Variants in CTNNA3 observed in about 807,000 individuals in gnomAD.
CTNNA3 encodes catenin alpha-3.
A neutral mutation model predicts 95.7 loss-of-function variants in CTNNA3; 76 were observed. The ratio of observed to expected loss-of-function variants is 0.79; its 90% CI spans 0.66 to 0.96. The LOEUF (loss-of-function observed/expected upper bound fraction) is 0.96, where lower values mean the gene tolerates loss of function less well. CTNNA3 is among the 40% of genes least tolerant of loss of function. CTNNA3 has a pLI of 0.00. For synonymous variants in CTNNA3, 431 were observed against 374.4 expected, an observed-to-expected ratio of 1.15 and a Z score of -1.74; for missense variants, 1,191 against 1,089.8, an observed-to-expected ratio of 1.09 and a Z score of -1.31.
At chr10:67,161,976 T>C (rs1274254850) in intron 7 of CTNNA3, among the ~76,000 whole-genome samples, 2 of 152,012 alleles carry the variant, frequency 1.3e-5, no homozygotes, top group Non-Finnish European at 2.9e-5. Flanking sequence ...CAAGAAGACA[T>C]AGCTAGCCTA....
intron 5 of CTNNA3, among the ~76,000 whole-genome samples, chr10:67,485,717 TG>T (rs1848420882): frequency 6.6e-6 from 1 of 152,180 alleles, no homozygotes; most frequent in Non-Finnish European, 1.5e-5. Flanking sequence ...AACAGGAGTA[TG>T]TGGCTTCACT....
chr10:67,071,610 C>T (rs75362264), intron 7 of CTNNA3, among the ~76,000 whole-genome samples: 1,718 of 151,976 alleles, frequency 0.011, 36 homozygotes, highest in African/African-American at 0.039. Context: ...ATTTATCCTG[C>T]TTCAATTTTG....
chr10:67,141,550 T>G (rs866811780), intron 7 of CTNNA3, among the ~76,000 whole-genome samples: 1 of 152,160 alleles, frequency 6.6e-6, no homozygotes, highest in Non-Finnish European at 1.5e-5. Context: ...GTTCAGCCTC[T>G]GAAAATGTAG....
intron 17 of CTNNA3, among the ~76,000 whole-genome samples, chr10:65,951,978 C>T (rs1445651345): frequency 1.5e-5 from 2 of 137,476 alleles, no homozygotes; most frequent in African/African-American, 5.6e-5. Flanking sequence ...TGCAGTGAGC[C>T]GAGATGGCAC....
chr10:66,123,668 G>T (rs938873485), intron 13 of CTNNA3, among the ~76,000 whole-genome samples: 6 of 152,150 alleles, frequency 3.9e-5, no homozygotes, highest in Non-Finnish European at 7.3e-5. Flanking sequence ...TGGACAGCCA[G>T]GCATTTCCAT....
At chr10:66,556,392 G>T (rs1030565401) in intron 10 of CTNNA3, among the ~76,000 whole-genome samples, 1 of 151,846 alleles carries the variant, frequency 6.6e-6, no homozygotes, top group Non-Finnish European at 1.5e-5. Flanking sequence ...AATCAGTATC[G>T]CGAAGAGATT....
intron 3 of CTNNA3, among the ~76,000 whole-genome samples, chr10:67,554,780 T>A (rs1841172188): frequency 1.3e-5 from 2 of 152,234 alleles, no homozygotes; most frequent in African/African-American, 2.4e-5. Flanking sequence ...TTGTCAATTT[T>A]GGCTTTTGTT....
Position 67,035,742 on chromosome 10 carries a change from C to T in CTNNA3, c.1047+144575G>A, listed in dbSNP as rs1468984767. ...ATCAGCTGAGTACATCACAGAAATG[C>T]TTTCACTGTATTGAGCTTTAATGTT... On this transcript the variant is annotated intron_variant, in intron 7 of 17. Coordinates refer to ENST00000433211, the MANE Select transcript of CTNNA3 (RefSeq NM_013266.4). Among the ~76,000 whole-genome samples the T allele has an allele frequency of 2.6e-5, 4 of 152,186 alleles. No homozygotes were observed. In the East Asian group the frequency reaches 5.8e-4, roughly 22 times the overall value.
At chr10:67,289,751 G>GATGGATGA (rs1036067150) in intron 5 of CTNNA3, among the ~76,000 whole-genome samples, 1 of 151,340 alleles carries the variant, frequency 6.6e-6, no homozygotes, top group Non-Finnish European at 1.5e-5. Context: ...ACAAAGGAAG[G>GATGGATGA]ATGGATGAAT....
At chr10:67,046,362 G>A (rs7911142) in intron 7 of CTNNA3, among the ~76,000 whole-genome samples, 68,917 of 151,954 alleles carry the variant, frequency 0.45, 15,973 homozygotes, top group Middle Eastern at 0.61. Context: ...AGATGTGAGC[G>A]AACAGCTTTT....
chr10:67,246,703 C>G (rs899013899), intron 5 of CTNNA3, among the ~76,000 whole-genome samples: 1 of 152,144 alleles, frequency 6.6e-6, no homozygotes, highest in Non-Finnish European at 1.5e-5. Context: ...TACCCAAATT[C>G]ATGGGACACT....
chr10:66,437,594 C>A (rs1213085957), intron 11 of CTNNA3, among the ~76,000 whole-genome samples: 2 of 151,812 alleles, frequency 1.3e-5, no homozygotes, highest in African/African-American at 4.8e-5. Context: ...CCTAGGGAGA[C>A]CTAGGGGAAT....
intron 9 of CTNNA3, among the ~76,000 whole-genome samples, chr10:66,692,464 A>G (rs202106693): frequency 3.3e-5 from 5 of 151,894 alleles, no homozygotes; most frequent in East Asian, 1.9e-4. Context: ...GGACTATGTG[A>G]AAAGACCAAA....
chr10:66,715,927 T>C (rs1215714272), intron 9 of CTNNA3, among the ~76,000 whole-genome samples: 1 of 152,048 alleles, frequency 6.6e-6, no homozygotes, highest in African/African-American at 2.4e-5. Flanking sequence ...AAATTATTTT[T>C]TTCATAATTC....
At chr10:67,637,910 T>C (rs1213618490) in intron 2 of CTNNA3, among the ~76,000 whole-genome samples, 1 of 152,142 alleles carries the variant, frequency 6.6e-6, no homozygotes, top group Non-Finnish European at 1.5e-5. Context: ...TGCAAAAACA[T>C]GCCAAATTGT....
intron 13 of CTNNA3, among the ~76,000 whole-genome samples, chr10:66,134,023 A>C (rs201489670): frequency 1.3e-5 from 2 of 152,308 alleles, no homozygotes; most frequent in East Asian, 1.9e-4. Context: ...GATAAATTCA[A>C]CTACAGGCAT....
At chr10:66,962,718 T>A (rs1015467057) in intron 7 of CTNNA3, among the ~76,000 whole-genome samples, 1 of 152,060 alleles carries the variant, frequency 6.6e-6, no homozygotes, top group Non-Finnish European at 1.5e-5. Flanking sequence ...GCCCACCTCC[T>A]CTAAGTCTTT....
chr10:65,949,621 A>G (rs781687924), intron 17 of CTNNA3, among the ~76,000 whole-genome samples: 23 of 152,206 alleles, frequency 1.5e-4, no homozygotes, highest in Non-Finnish European at 3.4e-4. Context: ...AAAATTATTA[A>G]TCTAAGTCTG....
At chr10:66,291,626 T>C (rs1403823590) in intron 12 of CTNNA3, among the ~76,000 whole-genome samples, 2 of 152,136 alleles carry the variant, frequency 1.3e-5, no homozygotes, top group African/African-American at 2.4e-5. Context: ...TCTTCCCATA[T>C]TGTATTAAAG....
Sources: allele counts gnomAD v4.1 joint callset (sites outside exome capture counted in the v4.1 genomes callset), GRCh38; gene constraint gnomAD v4.1.1; transcripts MANE v1.5; gene names NCBI Gene and HGNC (gene_info 2026-07-23, HGNC 2026-07-21).